KANK1: variants seen among roughly 807,000 people sequenced by gnomAD.
KANK1 encodes the protein KN motif and ankyrin repeat domains 1.
Under a neutral mutation model 106.2 loss-of-function variants are expected in KANK1, and 109 were observed. The ratio of observed to expected loss-of-function variants is 1.03; its 90% CI spans 0.88 to 1.20. KANK1 has a LOEUF of 1.20. KANK1 is among the 50% of genes most tolerant of loss of function. KANK1 has a pLI of 0.00. For synonymous variants in KANK1, 873 were observed against 652.2 expected, an observed-to-expected ratio of 1.34 and a Z score of -5.16; for missense variants, 2,399 against 1,710.7, an observed-to-expected ratio of 1.40 and a Z score of -7.10.
At chr9:668,370 A>G (rs973745950) in intron 1 of KANK1, among the ~76,000 whole-genome samples, 1 of 152,038 alleles carries the variant, frequency 6.6e-6, no homozygotes, top group Non-Finnish European at 1.5e-5. Flanking sequence ...CTTTGTATCT[A>G]TTAATGTTTG....
chr9:745,410 C>T lies in KANK1; in HGVS notation c.*175C>T. On this transcript the variant is annotated 3_prime_UTR_variant, in exon 12 of 12. Transcript: ENST00000382297. ...AGTGCAGAGACTGCTAGCCTGGGCA[C>T]ACACACCTCCTTTCTGGCCGTCTTC... 1.4e-6 allele frequency: 1 copy of T among 700,294 alleles called. No individual in the cohort carries two copies. The allele number at this position is 700,294 out of a possible 1,614,324, so 43.4% of individuals were successfully genotyped here. A position where few individuals can be genotyped will look rare whatever the true frequency, so the allele number is the denominator to read the frequency against.
At chr9:610,737 C>A (rs866453195) in intron 1 of KANK1, among the ~76,000 whole-genome samples, 11 of 152,202 alleles carry the variant, frequency 7.2e-5, no homozygotes, top group Middle Eastern at 6.8e-3. Flanking sequence ...TTGGAAAGCT[C>A]GGAGGGTTAG....
chr9:623,838 G>A (rs1409048986), intron 1 of KANK1, among the ~76,000 whole-genome samples: 1 of 151,990 alleles, frequency 6.6e-6, no homozygotes, highest in Non-Finnish European at 1.5e-5. Flanking sequence ...TGGAAGTTTT[G>A]TAAAAATCAA....
At chr9:718,953 C>CTTTTTTT (rs35097931) in intron 3 of KANK1, among the ~76,000 whole-genome samples, 8 of 78,278 alleles carry the variant, frequency 1.0e-4, no homozygotes, top group African/African-American at 1.5e-4. Flanking sequence ...TGCTCGAGCC[C>CTTTTTTT]TTTTTTTTTT....
intron 1 of KANK1, among the ~76,000 whole-genome samples, chr9:576,800 T>C (rs940437012): frequency 6.6e-6 from 1 of 152,064 alleles, no homozygotes; most frequent in African/African-American, 2.4e-5. Flanking sequence ...GTACGTACCA[T>C]GTACCTGGTG....
Position 729,371 on chromosome 9 carries a change from G to A in KANK1, c.2699-680G>A, listed in dbSNP as rs550928658. On this transcript the variant is annotated intron_variant, in intron 3 of 11. Coordinates refer to ENST00000382297, the MANE Select transcript of KANK1 (RefSeq NM_015158.5). ...GGGCAAGAACATTGTTAGTGAAGGA[G>A]ATCAGGGAAGGGTCTGAAGAGGCAG... Among the ~76,000 whole-genome samples the A allele has an allele frequency of 5.9e-5, 9 of 152,328 alleles. No individual in the cohort carries two copies. The South Asian group carries it at 8.3e-4, about 14-fold the overall frequency.
chr9:571,584 A>T (rs923370967), intron 1 of KANK1, among the ~76,000 whole-genome samples: 45 of 152,252 alleles, frequency 3.0e-4, no homozygotes, highest in Admixed American at 4.6e-4. Context: ...AAAAATTTTA[A>T]AAACGTTTTT....
chr9:560,982 T>C (rs1235205237), intron 1 of KANK1, among the ~76,000 whole-genome samples: 3 of 152,174 alleles, frequency 2.0e-5, no homozygotes, highest in Admixed American at 2.0e-4. Context: ...GCAGCTTTAA[T>C]GGCACAGTAC....
intron 1 of KANK1, among the ~76,000 whole-genome samples, chr9:644,299 C>G (rs756499734): frequency 2.0e-5 from 3 of 150,980 alleles, no homozygotes; most frequent in Non-Finnish European, 4.4e-5. Context: ...ATGTTTCAGT[C>G]AAGATGGTGA....
chr9:656,091 G>A (rs1179092730), intron 1 of KANK1, among the ~76,000 whole-genome samples: 3 of 152,296 alleles, frequency 2.0e-5, no homozygotes, highest in South Asian at 4.1e-4. Context: ...CTGTCAGACC[G>A]CAGGCTCTGG....
chr9:488,281 G>A (rs1387240537), intron 3 of KANK1, among the ~76,000 whole-genome samples: 1 of 151,918 alleles, frequency 6.6e-6, no homozygotes, highest in African/African-American at 2.4e-5. Context: ...GTGGGAATGT[G>A]TGGCTCAAAG....
chr9:479,894 T>A (rs1587197860), intron 3 of KANK1, among the ~76,000 whole-genome samples: 2 of 152,316 alleles, frequency 1.3e-5, no homozygotes, highest in South Asian at 2.1e-4. Context: ...TAAGTATAAT[T>A]GGTGCGAACA....
At chr9:543,944 A>G (rs1182079150) in intron 1 of KANK1, among the ~76,000 whole-genome samples, 1 of 151,986 alleles carries the variant, frequency 6.6e-6, no homozygotes, top group African/African-American at 2.4e-5. Flanking sequence ...TTTCCTACCT[A>G]CCTGGCTATT....
At chr9:510,829 T>C (rs7854730) in intron 1 of KANK1, among the ~76,000 whole-genome samples, 44,696 of 152,142 alleles carry the variant, frequency 0.29, 10,912 homozygotes, top group African/African-American at 0.68. Context: ...TAGGCTGCTT[T>C]TTTGCCTAAT....
intron 1 of KANK1, among the ~76,000 whole-genome samples, chr9:620,921 A>T (rs1832999496): frequency 6.6e-6 from 1 of 152,176 alleles, no homozygotes; most frequent in Non-Finnish European, 1.5e-5. Flanking sequence ...CAGTTTACTA[A>T]TTGATCAAAT....
At chr9:652,150 A>G (rs1841021962) in intron 1 of KANK1, among the ~76,000 whole-genome samples, 1 of 152,182 alleles carries the variant, frequency 6.6e-6, no homozygotes, top group African/African-American at 2.4e-5. Context: ...CCCATTTATA[A>G]TTAATTATTG....
intron 1 of KANK1, among the ~76,000 whole-genome samples, chr9:659,002 A>C (rs1246724744): frequency 6.6e-6 from 1 of 151,682 alleles, no homozygotes; most frequent in Non-Finnish European, 1.5e-5. Flanking sequence ...ATTCTCACTC[A>C]ACACCTGTTT....
At chr9:729,105 T>C (rs1414653848) in intron 3 of KANK1, among the ~76,000 whole-genome samples, 1 of 152,256 alleles carries the variant, frequency 6.6e-6, no homozygotes, top group Non-Finnish European at 1.5e-5. Flanking sequence ...GACATATCTG[T>C]ATACATTAAT....
chr9:481,721 C>G (rs1465435454), intron 3 of KANK1, among the ~76,000 whole-genome samples: 1 of 151,938 alleles, frequency 6.6e-6, no homozygotes, highest in African/African-American at 2.4e-5. Flanking sequence ...ATAGGTCTGA[C>G]ATAGTGGCTC....
Sources: allele counts gnomAD v4.1 joint callset (sites outside exome capture counted in the v4.1 genomes callset), GRCh38; gene constraint gnomAD v4.1.1; transcripts MANE v1.5; gene names NCBI Gene and HGNC (gene_info 2026-07-23, HGNC 2026-07-21).